Variants in ROBO2 observed in about 807,000 individuals in gnomAD.
ROBO2 encodes the protein roundabout guidance receptor 2.
ROBO2 carries 53 observed loss-of-function variants against 160.8 expected under a neutral mutation model. The ratio of observed to expected loss-of-function variants is 0.33; its 90% CI spans 0.26 to 0.41. The LOEUF (loss-of-function observed/expected upper bound fraction) is 0.41, where lower values mean the gene tolerates loss of function less well. Among genes scored for constraint, ROBO2 ranks in the 10% least tolerant of loss-of-function variants. The pLI, the probability that ROBO2 is intolerant of heterozygous loss-of-function variation, is 1.00. For missense variants in ROBO2, 1,577 were observed against 1,722.4 expected (o/e 0.92, Z 1.49); for synonymous variants, 664 against 611.7 (o/e 1.09, Z -1.26).
At chr3:77,042,022 T>G (rs1331944042) in intron 1 of ROBO2, among the ~76,000 whole-genome samples, 1 of 152,210 alleles carries the variant, frequency 6.6e-6, no homozygotes, top group Non-Finnish European at 1.5e-5. Context: ...CAGCTACTGC[T>G]GCATAGAGCC....
chr3:76,192,379 A>T (rs978572892), intron 2 of ROBO2, among the ~76,000 whole-genome samples: 1 of 151,944 alleles, frequency 6.6e-6, no homozygotes, highest in Non-Finnish European at 1.5e-5. Context: ...TTTCCTTTCA[A>T]GCTTATTCTT....
intron 2 of ROBO2, among the ~76,000 whole-genome samples, chr3:76,480,568 A>G (rs935543548): frequency 2.0e-5 from 3 of 152,160 alleles, no homozygotes; most frequent in Non-Finnish European, 4.4e-5. Context: ...TGAGAAGTCC[A>G]AGATCAAGGC....
chr3:75,919,967 T>C (rs1559751643), intron 1 of ROBO2, among the ~76,000 whole-genome samples: 1 of 152,182 alleles, frequency 6.6e-6, no homozygotes, highest in South Asian at 2.1e-4. Flanking sequence ...ATCTATTTTG[T>C]TAATCTTTTC....
Position 76,828,474 on chromosome 3 carries a change from G to T in ROBO2, c.110-269540G>T, listed in dbSNP as rs534934205. Reference sequence around the variant, plus strand: ...TCTTAGCACAAACTTAATGCTCATTGTACAGTATGGAAAGAGAGTGAATGC... The same window carrying T: ...TCTTAGCACAAACTTAATGCTCATTTTACAGTATGGAAAGAGAGTGAATGC... On this transcript the variant is annotated intron_variant, in intron 2 of 26. Coordinates refer to the ROBO2 transcript ENST00000487694. Among the ~76,000 whole-genome samples, 4 of 152,066 alleles carry T rather than the reference G, an allele frequency of 2.6e-5. No individual in the cohort carries two copies. The East Asian group carries it at 7.7e-4, about 29-fold the overall frequency.
chr3:76,673,884 A>G (rs1288234626), intron 2 of ROBO2, among the ~76,000 whole-genome samples: 2 of 152,196 alleles, frequency 1.3e-5, no homozygotes, highest in Non-Finnish European at 2.9e-5. Context: ...CAGAAAATCA[A>G]TATAACCTAT....
intron 2 of ROBO2, among the ~76,000 whole-genome samples, chr3:76,849,367 C>T (rs963394339): frequency 6.6e-6 from 1 of 152,080 alleles, no homozygotes; most frequent in Non-Finnish European, 1.5e-5. Context: ...CTTTGCAGAT[C>T]TATGTGTTAT....
intron 5 of ROBO2, among the ~76,000 whole-genome samples, chr3:77,504,285 C>A (rs761467619): frequency 2.0e-5 from 3 of 152,038 alleles, no homozygotes; most frequent in Non-Finnish European, 2.9e-5. Context: ...CATTTGAAAC[C>A]TTTATAAAGA....
intron 2 of ROBO2, among the ~76,000 whole-genome samples, chr3:76,953,128 GA>G: frequency 6.6e-6 from 1 of 152,124 alleles, no homozygotes; most frequent in Non-Finnish European, 1.5e-5. Flanking sequence ...CTTCATCTTT[GA>G]AAAAAAGCCA....
chr3:77,219,687 A>C (rs1332405642), intron 2 of ROBO2, among the ~76,000 whole-genome samples: 6 of 151,326 alleles, frequency 4.0e-5, no homozygotes, highest in African/African-American at 1.5e-4. Context: ...TAAAATGGTT[A>C]AACAGTAGTA....
chr3:77,025,413 T>G (rs1044912074), intron 2 of ROBO2, among the ~76,000 whole-genome samples: 1 of 152,208 alleles, frequency 6.6e-6, no homozygotes, highest in African/African-American at 2.4e-5. Context: ...CCAGTTCCCT[T>G]GGTGTAACAA....
chr3:77,215,545 GTA>G (rs1226815474), intron 2 of ROBO2, among the ~76,000 whole-genome samples: 4 of 152,010 alleles, frequency 2.6e-5, no homozygotes, highest in Non-Finnish European at 4.4e-5. Context: ...TTAGCTCAGA[GTA>G]TTTGATCATC....
In ROBO2 at chr3:77,373,305, C is replaced by T. The variant is rs183401938; in HGVS notation, c.389-104109C>T. Among the ~76,000 whole-genome samples, 440 of 151,214 alleles carry T rather than the reference C, an allele frequency of 2.9e-3. 1 individual carries two copies. The highest frequency in any genetic ancestry group is 9.8e-3 in the African/African-American group (404 of 41,326). ...AGCCATATTTAGTTGCACCTTTTCT[C>T]GTGGTATTCCATTTCAGTGATTTTA... On this transcript the variant is annotated intron_variant, in intron 2 of 25. Transcript: ENST00000461745.
At chr3:76,878,043 C>T (rs527989242) in intron 2 of ROBO2, among the ~76,000 whole-genome samples, 2 of 152,252 alleles carry the variant, frequency 1.3e-5, no homozygotes, top group South Asian at 4.2e-4. Flanking sequence ...TTCTAAAAGC[C>T]CTATCTCCAA....
intron 2 of ROBO2, among the ~76,000 whole-genome samples, chr3:76,390,960 C>T (rs890324253): frequency 6.6e-6 from 1 of 152,008 alleles, no homozygotes; most frequent in Non-Finnish European, 1.5e-5. Context: ...TTGTTGTTAT[C>T]TTGGTAATGT....
chr3:76,243,939 A>T (rs185274180), intron 2 of ROBO2, among the ~76,000 whole-genome samples: 4,960 of 151,778 alleles, frequency 0.033, 116 homozygotes, highest in Non-Finnish European at 0.048. Flanking sequence ...TTTTTTTTTA[A>T]TTTGGGAAGA....
At chr3:77,328,073 A>C (rs2065609891) in intron 2 of ROBO2, among the ~76,000 whole-genome samples, 1 of 150,384 alleles carries the variant, frequency 6.6e-6, no homozygotes, top group Admixed American at 6.6e-5. Context: ...AAAAAAAAAA[A>C]AAAAAAAGAA....
At chr3:77,633,379 G>A (rs1214501167) in intron 23 of ROBO2, 1 of 151,958 alleles carries the variant, frequency 6.6e-6, no homozygotes, top group African/African-American at 2.4e-5. Context: ...AAAGAATGTG[G>A]GATTAATAAT....
At chr3:76,073,193 AT>A (rs2068519381) in intron 2 of ROBO2, among the ~76,000 whole-genome samples, 1 of 138,682 alleles carries the variant, frequency 7.2e-6, no homozygotes, top group South Asian at 2.3e-4. Context: ...TGCCTTTAAT[AT>A]TTTTAAAACA....
intron 2 of ROBO2, among the ~76,000 whole-genome samples, chr3:76,706,768 A>G (rs936613989): frequency 6.6e-6 from 1 of 152,082 alleles, no homozygotes; most frequent in African/African-American, 2.4e-5. Flanking sequence ...TTAATGATTT[A>G]GTTAAGTGTT....
Sources: allele counts gnomAD v4.1 joint callset (sites outside exome capture counted in the v4.1 genomes callset), GRCh38; gene constraint gnomAD v4.1.1; transcripts MANE v1.5; gene names NCBI Gene and HGNC (gene_info 2026-07-23, HGNC 2026-07-21).